Variants in TRPC4 observed in about 807,000 individuals in gnomAD.
TRPC4 encodes the protein transient receptor potential cation channel subfamily C member 4.
A neutral mutation model predicts 99.4 loss-of-function variants in TRPC4; 49 were observed. The ratio of observed to expected loss-of-function variants is 0.49; its 90% CI spans 0.39 to 0.63. The LOEUF (loss-of-function observed/expected upper bound fraction) is 0.63. Ranked by LOEUF, TRPC4 falls within the 20% of genes least tolerant of loss-of-function variation. TRPC4 has a pLI of 0.00. For synonymous variants in TRPC4, 454 were observed against 425.9 expected (o/e 1.07, Z -0.81); for missense variants, 898 against 1,152.9 (o/e 0.78, Z 3.20).
chr13:37,830,609 G>A (rs929851421), intron 1 of TRPC4, among the ~76,000 whole-genome samples: 1 of 151,384 alleles, frequency 6.6e-6, no homozygotes, highest in South Asian at 2.1e-4. Context: ...ATACTCAGGA[G>A]GCTGAGGCAC....
chr13:37,747,810 A>G (rs1294882265), intron 2 of TRPC4, among the ~76,000 whole-genome samples: 1 of 152,170 alleles, frequency 6.6e-6, no homozygotes, highest in Admixed American at 6.5e-5. Flanking sequence ...TGAAGATGGT[A>G]ATAAACACTT....
intron 3 of TRPC4, among the ~76,000 whole-genome samples, chr13:37,716,937 G>A (rs78389591): frequency 0.036 from 5,414 of 150,554 alleles, 244 homozygotes; most frequent in African/African-American, 0.12. Context: ...GAAGTCTGGT[G>A]GGGACGGTGG....
chr13:37,753,027 A>G (rs1046594608), intron 2 of TRPC4, among the ~76,000 whole-genome samples: 1 of 151,992 alleles, frequency 6.6e-6, no homozygotes, highest in Non-Finnish European at 1.5e-5. Context: ...TACTATAGAA[A>G]TGATTTTAAT....
chr13:37,835,936 C>T (rs35681998), intron 1 of TRPC4, among the ~76,000 whole-genome samples: 28,069 of 152,156 alleles, frequency 0.18, 2,699 homozygotes, highest in Middle Eastern at 0.2. Context: ...TCTGCCCCCA[C>T]ACAAATCTCA....
At chr13:37,772,908 G>A (rs1956595876) in intron 2 of TRPC4, among the ~76,000 whole-genome samples, 1 of 151,634 alleles carries the variant, frequency 6.6e-6, no homozygotes, top group South Asian at 2.1e-4. Context: ...CTACACTCTC[G>A]TGAATGTGCT....
chr13:37,853,928 G>A (rs377324557), intron 1 of TRPC4, among the ~76,000 whole-genome samples: 5 of 152,112 alleles, frequency 3.3e-5, no homozygotes, highest in East Asian at 1.9e-4. Flanking sequence ...CTTATAAGAT[G>A]TAAAAAATAG....
chr13:37,859,123 G>C (rs547967298), intron 1 of TRPC4, among the ~76,000 whole-genome samples: 2 of 151,470 alleles, frequency 1.3e-5, no homozygotes, highest in South Asian at 4.1e-4. Flanking sequence ...TCAGTTTACA[G>C]ATAGGACATG....
chr13:37,792,622 ATCACCTGTT>A (rs1282142949), intron 1 of TRPC4, among the ~76,000 whole-genome samples: 1 of 152,070 alleles, frequency 6.6e-6, no homozygotes, highest in East Asian at 1.9e-4. Context: ...AGAAAGGAAA[ATCACCTGTT>A]TCACAAATGA....
intron 1 of TRPC4, among the ~76,000 whole-genome samples, chr13:37,848,316 T>C (rs1358485031): frequency 6.6e-6 from 1 of 152,142 alleles, no homozygotes; most frequent in East Asian, 1.9e-4. Context: ...ATAATATCAA[T>C]AGTAAAAATG....
intron 1 of TRPC4, among the ~76,000 whole-genome samples, chr13:37,864,780 T>C (rs1235113709): frequency 6.6e-6 from 1 of 151,678 alleles, no homozygotes. Flanking sequence ...TACGGTCATA[T>C]TGGATTTAAC....
chr13:37,856,852 T>C (rs1959178470), intron 1 of TRPC4, among the ~76,000 whole-genome samples: 1 of 151,736 alleles, frequency 6.6e-6, no homozygotes. Context: ...ACATCCTTCA[T>C]GATAAAAACT....
At position 37,754,527 on chromosome 13, in the gene TRPC4, C is replaced by T. The variant is rs145476778; in HGVS notation, c.379-8072G>A. Among the ~76,000 whole-genome samples, 414 of 152,204 alleles carry T rather than the reference C, an allele frequency of 2.7e-3. 1 individual carries two copies. Among genetic ancestry groups the T allele is most frequent in the African/African-American group, 9.4e-3 (391 of 41,560 alleles). ...GGCATTAAATTATATACTCACATTG[C>T]TAAGAAGCAAACCACATACTCCAAA... On this transcript the variant is annotated intron_variant, in intron 2 of 10. Coordinates refer to ENST00000379705, the MANE Select transcript of TRPC4 (RefSeq NM_016179.4).
Position 37,655,284 on chromosome 13 carries a change from C to G in TRPC4, c.1689-1G>C. ...CAGGGACTGCAGTGTCTCAAATAACCTGTAATAAAGATAAAATGATACTAA... is the reference window on the plus strand; with the variant it reads ...CAGGGACTGCAGTGTCTCAAATAACGTGTAATAAAGATAAAATGATACTAA... On this transcript the variant is annotated splice_acceptor_variant, in intron 6 of 10. Transcript: ENST00000379705. LOFTEE classifies it high-confidence loss of function. 1 of 1,526,108 alleles carries G rather than the reference C, an allele frequency of 6.6e-7. No homozygotes were observed. The highest frequency in any genetic ancestry group is 8.8e-7 in the Non-Finnish European group (1 of 1,132,678). The allele number at this position is 1,526,108 out of a possible 1,614,324, so 94.5% of individuals were successfully genotyped here.
At chr13:37,812,730 T>A (rs1957738229) in intron 1 of TRPC4, among the ~76,000 whole-genome samples, 1 of 152,078 alleles carries the variant, frequency 6.6e-6, no homozygotes, top group South Asian at 2.1e-4. Context: ...TTTCCAAATT[T>A]GATAATAATT....
At chr13:37,666,270 T>C (rs1353244648) in intron 5 of TRPC4, among the ~76,000 whole-genome samples, 2 of 152,178 alleles carry the variant, frequency 1.3e-5, no homozygotes, top group African/African-American at 4.8e-5. Flanking sequence ...AGACACATAT[T>C]TTCCAAGCTC....
At chr13:37,824,252 A>G (rs1201138123) in intron 1 of TRPC4, among the ~76,000 whole-genome samples, 55 of 149,366 alleles carry the variant, frequency 3.7e-4, no homozygotes, top group African/African-American at 1.3e-3. Context: ...TTCCTAATTG[A>G]ATACCCTTTA....
rs202065781 is a variant in TRPC4 at position 37,696,933 on chromosome 13, TA to T, written c.898-4599del. Among the ~76,000 whole-genome samples, 542 of 148,676 alleles carry T rather than the reference TA, an allele frequency of 3.6e-3. 3 individuals carry two copies. Among genetic ancestry groups the T allele is most frequent in the South Asian group, 0.012 (56 of 4,690 alleles). On this transcript the variant is annotated intron_variant, in intron 3 of 10. Coordinates refer to ENST00000379705, the MANE Select transcript of TRPC4 (RefSeq NM_016179.4). Reference sequence around the variant, plus strand: ...TGAAACATCTTTTTTTTTTTTTTTTTAAATCTTTTATTTCATCTCCTACATC... The same window carrying T: ...TGAAACATCTTTTTTTTTTTTTTTTTAATCTTTTATTTCATCTCCTACATC...
intron 2 of TRPC4, among the ~76,000 whole-genome samples, chr13:37,760,770 C>T (rs1956202445): frequency 1.3e-5 from 2 of 151,762 alleles, no homozygotes; most frequent in Admixed American, 1.3e-4. Context: ...TATATGTGGC[C>T]CAAGACATTC....
intron 4 of TRPC4, among the ~76,000 whole-genome samples, chr13:37,675,987 C>T (rs558936489): frequency 1.3e-5 from 2 of 152,222 alleles, no homozygotes; most frequent in African/African-American, 4.8e-5. Flanking sequence ...TAAGCTGTGG[C>T]ATATGATGCA....
Sources: gnomAD v4.1 joint callset for allele counts (sites outside exome capture counted in the v4.1 genomes callset) on GRCh38, gnomAD v4.1.1 for gene constraint, MANE v1.5 for transcripts, NCBI Gene and HGNC (gene_info 2026-07-23, HGNC 2026-07-21) for gene names.